The following RBFOX3 variants were observed in gnomAD, a reference collection of about 807,000 sequenced individuals.
The protein encoded by RBFOX3 is RNA binding protein fox-1 homolog 3.
RBFOX3 carries 17 observed loss-of-function variants against 48.7 expected under a neutral mutation model. That is an observed-to-expected ratio of 0.35 (90% confidence interval 0.24 to 0.52). The LOEUF (loss-of-function observed/expected upper bound fraction) is 0.52, where lower values mean the gene tolerates loss of function less well. RBFOX3 is among the 20% of genes least tolerant of loss of function. The probability of loss-of-function intolerance (pLI) is 0.94; values close to 1 mark genes in which losing one functional copy is unlikely to be tolerated. For missense variants in RBFOX3, 382 were observed against 497.5 expected (o/e 0.77, Z 2.21); for synonymous variants, 212 against 209.5 (o/e 1.01, Z -0.10).
At chr17:79,632,058 G>A in the RBFOX3 span, among the ~76,000 whole-genome samples, 3 of 152,326 alleles carry the variant, frequency 2.0e-5, no homozygotes, top group African/African-American at 7.2e-5. Flanking sequence ...GGGAGACAGC[G>A]AGCCCTCCGC....
the RBFOX3 span, among the ~76,000 whole-genome samples, chr17:79,623,584 G>A: frequency 2.6e-3 from 396 of 152,194 alleles, 2 homozygotes; most frequent in African/African-American, 9.0e-3. Context: ...AGGCCAAGGC[G>A]GGGTGGATTG....
chr17:79,625,880 C>T, the RBFOX3 span, among the ~76,000 whole-genome samples: 30 of 152,308 alleles, frequency 2.0e-4, no homozygotes, highest in African/African-American at 3.8e-4. Flanking sequence ...GGGGTGGCTG[C>T]GGCCGCTAGG....
the RBFOX3 span, among the ~76,000 whole-genome samples, chr17:79,654,331 A>T: frequency 1.3e-5 from 2 of 152,036 alleles, no homozygotes; most frequent in Non-Finnish European, 2.9e-5. Context: ...CAGTGGGAAG[A>T]CTCTTCTAGG....
chr17:79,626,918 C>G, the RBFOX3 span, among the ~76,000 whole-genome samples: 1 of 152,314 alleles, frequency 6.6e-6, no homozygotes. Flanking sequence ...CCTGGAGCCT[C>G]GGTCATGCTC....
Position 79,361,329 on chromosome 17 carries a change from C to T in RBFOX3, c.-174-53505G>A, listed in dbSNP as rs529814792. Reference sequence around the variant, plus strand: ...CATCGGGGCTATCTGAGACGCTCATCGAGGTGCTTACCCGCTAACAGCTCT... The same window carrying T: ...CATCGGGGCTATCTGAGACGCTCATTGAGGTGCTTACCCGCTAACAGCTCT... On this transcript the variant is annotated intron_variant, in intron 2 of 14. Transcript: ENST00000693108. The surrounding 1 kb of genome is among the most constrained non-coding windows in gnomAD (Gnocchi z 4.5). 3.3e-5 allele frequency among the ~76,000 whole-genome samples: 5 copies of T among 152,296 alleles called. No individual in the cohort carries two copies. The highest frequency in any genetic ancestry group is 9.6e-5 in the African/African-American group (4 of 41,550).
rs1407538653 is a variant in RBFOX3 at position 79,480,776 on chromosome 17, TG to T, written c.-175+1677del. Reference sequence around the variant, plus strand: ...AGCACCGGGGCCTGCCCTTCTGTCCTGGGCAACTGCAGCCCCCACCATTCCC... The same window carrying T: ...AGCACCGGGGCCTGCCCTTCTGTCCTGGCAACTGCAGCCCCCACCATTCCC... On this transcript the variant is annotated intron_variant, in intron 2 of 14. Transcript: ENST00000693108. The surrounding 1 kb of genome is among the most constrained non-coding windows in gnomAD (Gnocchi z 4.8). 2.0e-5 allele frequency among the ~76,000 whole-genome samples: 3 copies of T among 152,224 alleles called. No homozygotes were observed. Among genetic ancestry groups the T allele is most frequent in the Non-Finnish European group, 4.4e-5 (3 of 68,048 alleles).
the RBFOX3 span, among the ~76,000 whole-genome samples, chr17:79,650,839 T>C: frequency 6.6e-6 from 1 of 152,184 alleles, no homozygotes; most frequent in Non-Finnish European, 1.5e-5. Context: ...CCAAGCGCCC[T>C]GCAGGCTCCA....
At chr17:79,171,653 G>GAGAA (rs951137265) in intron 4 of RBFOX3, among the ~76,000 whole-genome samples, 4 of 148,436 alleles carry the variant, frequency 2.7e-5, no homozygotes, top group African/African-American at 7.6e-5. Context: ...AAAAAAAATA[G>GAGAA]ATCTTGCCAC....
chr17:79,566,141 G>A (rs2092445708), intron 1 of RBFOX3, among the ~76,000 whole-genome samples: 4 of 152,268 alleles, frequency 2.6e-5, no homozygotes, highest in African/African-American at 9.6e-5. Context: ...GGAACAGGGA[G>A]AAGGTGCTGA....
chr17:79,094,669 C>A lies in RBFOX3; in HGVS notation c.999-140G>T. ...TCCCATCTGCAAGGCACCCTCCCCT[C>A]CTGCAAGGCCTGCAAGGCCTACCCC... On this transcript the variant is annotated intron_variant, in intron 13 of 14. Coordinates refer to ENST00000693108, the MANE Select transcript of RBFOX3 (RefSeq NM_001350451.2). 6.0e-6 allele frequency: 3 copies of A among 500,992 alleles called. 1 individual carries two copies. The highest frequency in any genetic ancestry group is 1.0e-5 in the Non-Finnish European group (3 of 290,390). The allele number at this position is 500,992 out of a possible 1,614,324, so 31.0% of individuals were successfully genotyped here.
intron 5 of RBFOX3, among the ~76,000 whole-genome samples, chr17:79,114,030 C>T (rs942703034): frequency 2.0e-5 from 3 of 152,228 alleles, no homozygotes; most frequent in Middle Eastern, 3.4e-3. Context: ...TCTTCTGGGA[C>T]GAACCCCTGA....
the RBFOX3 span, among the ~76,000 whole-genome samples, chr17:79,656,801 A>AGAAGGAAGGAAG: frequency 0.28 from 833 of 2,982 alleles, 53 homozygotes; most frequent in East Asian, 0.52. Context: ...AAAGAAAGAA[A>AGAAGGAAGGAAG]GAAAGAAAAG....
chr17:79,606,378 G>A (rs1049897826), intron 1 of RBFOX3, among the ~76,000 whole-genome samples: 42 of 152,282 alleles, frequency 2.8e-4, no homozygotes, highest in African/African-American at 1.0e-3. Flanking sequence ...TAAAGATGGT[G>A]GATGGTCCTT....
chr17:79,219,867 T>C (rs1280200426), intron 4 of RBFOX3, among the ~76,000 whole-genome samples: 1 of 151,614 alleles, frequency 6.6e-6, no homozygotes, highest in Non-Finnish European at 1.5e-5. Context: ...CTGGGAGCCA[T>C]CTGAAGTTTG....
At chr17:79,181,998 C>A (rs879851854) in intron 4 of RBFOX3, among the ~76,000 whole-genome samples, 38 of 146,714 alleles carry the variant, frequency 2.6e-4, no homozygotes, top group Non-Finnish European at 4.1e-4. Context: ...CACACACACA[C>A]ACAAACACAC....
Position 79,383,031 on chromosome 17 carries a change from AACACACACACAC to A in RBFOX3, c.-174-75219_-174-75208del, listed in dbSNP as rs60851419. ...CAAATCAATCAATCTCTGCCTCTCA[AACACACACACAC>A]ACACACACACACACACACACACACA... On this transcript the variant is annotated intron_variant, in intron 2 of 14. Coordinates refer to ENST00000693108, the MANE Select transcript of RBFOX3 (RefSeq NM_001350451.2). 1.5e-3 allele frequency among the ~76,000 whole-genome samples: 216 copies of A among 141,400 alleles called. 1 individual carries two copies. The highest frequency in any genetic ancestry group is 7.2e-3 in the East Asian group (35 of 4,878). The allele number at this position is 141,400 out of a possible 152,430, so 92.8% of individuals were successfully genotyped here. A position where few individuals can be genotyped will look rare whatever the true frequency, so the allele number is the denominator to read the frequency against.
intron 4 of RBFOX3, among the ~76,000 whole-genome samples, chr17:79,210,188 C>A (rs1350584686): frequency 6.6e-6 from 1 of 152,186 alleles, no homozygotes; most frequent in Non-Finnish European, 1.5e-5. Flanking sequence ...AGGGGGCCAC[C>A]CGGTTAGGGC....
At chr17:79,215,587 C>T (rs1450141688) in intron 4 of RBFOX3, among the ~76,000 whole-genome samples, 2 of 152,202 alleles carry the variant, frequency 1.3e-5, no homozygotes, top group Non-Finnish European at 2.9e-5. Context: ...CAGCTGGTGC[C>T]CTGGGTAAGA....
At chr17:79,627,742 T>C in the RBFOX3 span, among the ~76,000 whole-genome samples, 3,741 of 152,212 alleles carry the variant, frequency 0.025, 103 homozygotes, top group African/African-American at 0.067. Flanking sequence ...TCCTCTCTCC[T>C]CCTCCTTCTC....
Sources: gnomAD v4.1 joint callset for allele counts (sites outside exome capture counted in the v4.1 genomes callset) on GRCh38, gnomAD v4.1.1 for gene constraint, Gnocchi (gnomAD v3.1) non-coding constraint, MANE v1.5 for transcripts, NCBI Gene and HGNC (gene_info 2026-07-23, HGNC 2026-07-21) for gene names.